The following BAZ2B variants were observed in gnomAD, a reference collection of about 807,000 sequenced individuals.
BAZ2B encodes the protein bromodomain adjacent to zinc finger domain protein 2B.
In BAZ2B, 91 loss-of-function variants were observed where a neutral mutation model predicts 246.0. The ratio of observed to expected loss-of-function variants is 0.37; its 90% confidence interval spans 0.31 to 0.44. BAZ2B has a LOEUF of 0.44. Ranked by LOEUF, BAZ2B falls within the 20% of genes least tolerant of loss-of-function variation. BAZ2B has a pLI of 1.00. For synonymous variants in BAZ2B, 855 were observed against 860.0 expected (o/e 0.99, Z 0.10); for missense variants, 2,332 against 2,533.7 (o/e 0.92, Z 1.71).
chr2:159,446,975 C>A lies in BAZ2B; in HGVS notation c.503G>T (p.Gly168Val). The A allele has an allele frequency of 1.9e-6, 3 of 1,538,962 alleles. No homozygotes were observed. The South Asian group carries it at 3.8e-5, about 19-fold the overall frequency. ...ACTTCCATTTATTGACCCATTTACACCTTGAAAATAAAAATAAACATGTTT... is the reference window on the plus strand; with the variant it reads ...ACTTCCATTTATTGACCCATTTACAACTTGAAAATAAAAATAAACATGTTT... ...GKSNRNGPEK[G>V]VNGSINGSNT... The change falls in exon 6 of 37, where the codon GGT (glycine) becomes GTT (valine). Residue 168 changes from glycine to valine, a missense_variant and splice_region_variant. Coordinates refer to ENST00000392783, the MANE Select transcript of BAZ2B (RefSeq NM_013450.4).
chr2:159,342,969 G>C (rs1019311693), intron 31 of BAZ2B, among the ~76,000 whole-genome samples: 1 of 152,128 alleles, frequency 6.6e-6, no homozygotes, highest in Non-Finnish European at 1.5e-5. Context: ...GCAATCCTGA[G>C]TAACAAGAAC....
intron 2 of BAZ2B, among the ~76,000 whole-genome samples, chr2:159,522,235 G>GA (rs1464380300): frequency 6.6e-6 from 1 of 151,994 alleles, no homozygotes; most frequent in Non-Finnish European, 1.5e-5. Context: ...GTATCTTAAA[G>GA]AAAAAATAAG....
the BAZ2B span, among the ~76,000 whole-genome samples, chr2:159,699,689 C>T: frequency 5.3e-5 from 8 of 152,192 alleles, no homozygotes; most frequent in Admixed American, 4.6e-4. Flanking sequence ...TTGCTTCTTA[C>T]TTCTTTCTAC....
chr2:159,317,586 C>A (rs192196407), downstream of BAZ2B, among the ~76,000 whole-genome samples: 1 of 152,208 alleles, frequency 6.6e-6, no homozygotes, highest in African/African-American at 2.4e-5. Flanking sequence ...CTTGGTTGGT[C>A]ACCACTTGAG....
chr2:159,681,729 A>T, the BAZ2B span, among the ~76,000 whole-genome samples: 1 of 152,114 alleles, frequency 6.6e-6, no homozygotes, highest in Admixed American at 6.5e-5. Context: ...TCAGGAGACC[A>T]GCCTGACTAA....
chr2:159,575,006 T>G (rs898805533), intron 1 of BAZ2B, among the ~76,000 whole-genome samples: 4 of 150,240 alleles, frequency 2.7e-5, no homozygotes, highest in East Asian at 1.9e-4. Context: ...AAAAAGAAAA[T>G]AAAATGAAGT....
chr2:159,665,662 A>T, the BAZ2B span, among the ~76,000 whole-genome samples: 1 of 143,364 alleles, frequency 7.0e-6, no homozygotes, highest in African/African-American at 2.7e-5. Context: ...TAGAAAGCTG[A>T]AACTGGATCC....
chr2:159,366,275 T>C (rs1336497566), intron 27 of BAZ2B, among the ~76,000 whole-genome samples: 2 of 152,180 alleles, frequency 1.3e-5, no homozygotes, highest in Non-Finnish European at 1.5e-5. Context: ...TTGAGTCTAA[T>C]AGCATGCCGA....
intron 1 of BAZ2B, among the ~76,000 whole-genome samples, chr2:159,570,211 C>T (rs1559800760): frequency 6.8e-6 from 1 of 146,444 alleles, no homozygotes; most frequent in Non-Finnish European, 1.5e-5. Flanking sequence ...TGGAGACAGA[C>T]TCTCGCTCTG....
At chr2:159,679,273 A>AAAG in the BAZ2B span, among the ~76,000 whole-genome samples, 1 of 135,686 alleles carries the variant, frequency 7.4e-6, no homozygotes, top group African/African-American at 2.7e-5. Context: ...CTTCATCTCA[A>AAAG]AAAAAAAAAA....
intron 2 of BAZ2B, among the ~76,000 whole-genome samples, chr2:159,513,008 C>T (rs550670555): frequency 2.6e-5 from 4 of 152,260 alleles, no homozygotes; most frequent in Admixed American, 2.6e-4. Flanking sequence ...TCAATGGAAT[C>T]TAAAGACCTG....
chr2:159,545,540 T>C (rs1176058196), intron 2 of BAZ2B, among the ~76,000 whole-genome samples: 1 of 148,520 alleles, frequency 6.7e-6, no homozygotes, highest in African/African-American at 2.5e-5. Flanking sequence ...ATACTATACA[T>C]TCCAGTTACA....
chr2:159,700,497 G>A, the BAZ2B span, among the ~76,000 whole-genome samples: 2 of 152,202 alleles, frequency 1.3e-5, no homozygotes, highest in Admixed American at 6.5e-5. Flanking sequence ...CCAGGCAGGA[G>A]TGCAGTGGTG....
the BAZ2B span, among the ~76,000 whole-genome samples, chr2:159,685,101 T>C: frequency 2.0e-5 from 3 of 152,336 alleles, no homozygotes; most frequent in Admixed American, 2.0e-4. Context: ...TGATTAGTTT[T>C]ATTATATAAA....
At chr2:159,446,743 T>C (rs780751742) in intron 6 of BAZ2B, 39 bp downstream of exon 6, 24 of 1,516,088 alleles carry the variant, frequency 1.6e-5, no homozygotes, top group East Asian at 4.6e-5. Context: ...ATCTTATATA[T>C]AGATCTGTTA....
chr2:159,452,373 A>G (rs1478624536), intron 4 of BAZ2B, among the ~76,000 whole-genome samples: 1 of 152,214 alleles, frequency 6.6e-6, no homozygotes, highest in African/African-American at 2.4e-5. Flanking sequence ...AGCACTACAT[A>G]TGACTTAACT....
intron 14 of BAZ2B, chr2:159,412,047 A>C (rs1478797400): frequency 2.4e-6 from 2 of 827,906 alleles, no homozygotes; most frequent in East Asian, 2.5e-4. Context: ...GGCATGTGCC[A>C]AGTGCTGGTT....
chr2:159,370,970 T>C (rs1176842759), intron 27 of BAZ2B, among the ~76,000 whole-genome samples: 1 of 151,980 alleles, frequency 6.6e-6, no homozygotes, highest in African/African-American at 2.4e-5. Context: ...CACACCCGGC[T>C]AATTTTTTTG....
chr2:159,448,286 T>C lies in BAZ2B; in HGVS notation c.458A>G (p.His153Arg), dbSNP rs369442016. ...PAQNHDSSSF[H>R]SRTSGKSNRN... ...ATTACTTTTTCCCGAAGTCCTTGAA[T>C]GGAATGAAGAAGAATCATGATTCTG... is the stretch of plus-strand genomic sequence containing the variant. Residue 153 changes from histidine to arginine, a missense_variant, in exon 5 of 37, where the codon CAT (histidine) becomes CGT (arginine). His to Arg is a conservative substitution (Grantham distance 29). Transcript: ENST00000392783. The C allele has an allele frequency of 1.2e-6, 2 of 1,612,812 alleles. No individual in the cohort carries two copies. Among genetic ancestry groups the C allele is most frequent in the Non-Finnish European group, 8.5e-7 (1 of 1,179,724 alleles).
Sources: gnomAD v4.1 joint callset for allele counts (sites outside exome capture counted in the v4.1 genomes callset) on GRCh38, gnomAD v4.1.1 for gene constraint, MANE v1.5 for transcripts, NCBI Gene and HGNC (gene_info 2026-07-23, HGNC 2026-07-21) for gene names.